The following TNFRSF11A variants were observed in gnomAD, a reference collection of about 807,000 sequenced individuals.
The protein encoded by TNFRSF11A is tumor necrosis factor receptor superfamily member 11A.
TNFRSF11A carries 32 observed loss-of-function variants against 55.7 expected under a neutral mutation model. That is an observed-to-expected ratio of 0.57 (90% CI 0.43 to 0.77). The LOEUF is 0.77. Ranked by LOEUF, TNFRSF11A falls within the 30% of genes least tolerant of loss-of-function variation. TNFRSF11A has a pLI of 0.00. For synonymous variants in TNFRSF11A, 311 were observed against 331.0 expected, an observed-to-expected ratio of 0.94 and a Z score of 0.65; for missense variants, 753 against 809.8, an observed-to-expected ratio of 0.93 and a Z score of 0.85.
chr18:62,348,955 C>T (rs574476425), intron 2 of TNFRSF11A, among the ~76,000 whole-genome samples: 64 of 152,276 alleles, frequency 4.2e-4, no homozygotes, highest in South Asian at 1.5e-3. Context: ...CGCAGCGTGA[C>T]ACTTGGTCAA....
rs906757023 is a variant in TNFRSF11A at position 62,339,150 on chromosome 18, C to T, written c.76-9018C>T. ...CATGGTGCTGCTAAAAAAAGACCCTCCCTTCCTTCTACAACTCACTGACTA... is the reference window on the plus strand; with the variant it reads ...CATGGTGCTGCTAAAAAAAGACCCTTCCTTCCTTCTACAACTCACTGACTA... On this transcript the variant is annotated intron_variant, in intron 1 of 9. Transcript: ENST00000586569. Among the ~76,000 whole-genome samples the T allele has an allele frequency of 9.9e-5, 15 of 152,284 alleles. No homozygotes were observed. The East Asian group carries it at 2.3e-3, about 24-fold the overall frequency.
intron 9 of TNFRSF11A, among the ~76,000 whole-genome samples, chr18:62,376,737 C>G (rs1910924947): frequency 1.3e-5 from 2 of 152,182 alleles, no homozygotes; most frequent in Admixed American, 1.3e-4. Context: ...TCTACTCACC[C>G]CTTCCTCTCT....
Position 62,348,258 on chromosome 18 carries a change from G to C in TNFRSF11A, c.157+9G>C. The stretch of plus-strand genomic sequence containing the variant: ...TAACAAATGTGAACCAGGTACACCT[G>C]CTTCTGAGCCACCTTGCATTGCCCC... On this transcript the variant is annotated intron_variant, in intron 2 of 9. Transcript: ENST00000586569. 6.2e-7 allele frequency: 1 copy of C among 1,613,168 alleles called. No individual in the cohort carries two copies. Among genetic ancestry groups the C allele is most frequent in the Non-Finnish European group, 8.5e-7 (1 of 1,179,236 alleles).
chr18:62,330,466 A>G (rs1422690070), intron 1 of TNFRSF11A, among the ~76,000 whole-genome samples: 1 of 152,202 alleles, frequency 6.6e-6, no homozygotes, highest in Non-Finnish European at 1.5e-5. Flanking sequence ...AAGGAAGGAC[A>G]GGATTCCTGG....
intron 7 of TNFRSF11A, among the ~76,000 whole-genome samples, chr18:62,364,442 A>G (rs1016416763): frequency 2.6e-5 from 4 of 152,174 alleles, no homozygotes; most frequent in Non-Finnish European, 5.9e-5. Context: ...AGTAGCAAAC[A>G]AATGTGTGGT....
chr18:62,329,963 G>A (rs55850220), intron 1 of TNFRSF11A, among the ~76,000 whole-genome samples: 23,213 of 152,246 alleles, frequency 0.15, 2,407 homozygotes, highest in Middle Eastern at 0.28. Context: ...GACTTTATAT[G>A]TGTGTTTGTT....
chr18:62,391,109 T>A lies in TNFRSF11A; in HGVS notation c.*6075T>A, dbSNP rs2957125. On this transcript the variant is annotated 3_prime_UTR_variant, in exon 10 of 10. Coordinates refer to ENST00000586569, the MANE Select transcript of TNFRSF11A (RefSeq NM_003839.4). ...AATTTGTCGTGTAGAGTTACACAGC[T>A]CATAGCCATTTGAGTCTGGCTTCTT... 83,716 of 152,102 alleles carry A rather than the reference T, an allele frequency of 0.55. 23,654 individuals are homozygous for A. Among genetic ancestry groups the A allele is most frequent in the Middle Eastern group, 0.72 (213 of 296 alleles). The allele number at this position is 152,102 out of a possible 1,614,324, so 9.4% of individuals were successfully genotyped here. A position where few individuals can be genotyped will look rare whatever the true frequency, so the allele number is the denominator to read the frequency against.
intron 3 of TNFRSF11A, among the ~76,000 whole-genome samples, chr18:62,350,626 A>G (rs559700682): frequency 6.6e-6 from 1 of 152,248 alleles, no homozygotes; most frequent in Non-Finnish European, 1.5e-5. Context: ...GGAGATTCAG[A>G]GAGGTTGAAT....
chr18:62,355,569 A>G (rs1369496544), intron 4 of TNFRSF11A, among the ~76,000 whole-genome samples: 1 of 152,234 alleles, frequency 6.6e-6, no homozygotes, highest in Admixed American at 6.5e-5. Flanking sequence ...GGCATGAGCC[A>G]CCACACCTAG....
At chr18:62,350,543 C>T (rs989988765) in intron 3 of TNFRSF11A, among the ~76,000 whole-genome samples, 10 of 152,116 alleles carry the variant, frequency 6.6e-5, no homozygotes, top group African/African-American at 2.4e-4. Context: ...CTGCCCGCCT[C>T]GGCCTTCCAA....
chr18:62,359,009 TG>T (rs1909475917), intron 5 of TNFRSF11A, among the ~76,000 whole-genome samples: 1 of 152,230 alleles, frequency 6.6e-6, no homozygotes, highest in Non-Finnish European at 1.5e-5. Context: ...GTGGAATTCA[TG>T]GGTCCTTTCA....
rs1911974755 is a variant in TNFRSF11A at position 62,391,103 on chromosome 18, CACAGCT to C, written c.*6070_*6075del. 1 of 152,246 alleles carries C rather than the reference CACAGCT, an allele frequency of 6.6e-6. No individual in the cohort carries two copies. Among genetic ancestry groups the C allele is most frequent in the Non-Finnish European group, 1.5e-5 (1 of 68,056 alleles). The allele number at this position is 152,246 out of a possible 1,614,324, so 9.4% of individuals were successfully genotyped here. A position where few individuals can be genotyped will look rare whatever the true frequency, so the allele number is the denominator to read the frequency against. On this transcript the variant is annotated 3_prime_UTR_variant, in exon 10 of 10. Transcript: ENST00000586569. ...TTTTCCAATTTGTCGTGTAGAGTTA[CACAGCT>C]CATAGCCATTTGAGTCTGGCTTCTT... is the stretch of plus-strand genomic sequence containing the variant.
chr18:62,371,219 G>A (rs1268604498), intron 9 of TNFRSF11A, among the ~76,000 whole-genome samples: 6 of 152,180 alleles, frequency 3.9e-5, no homozygotes, highest in Admixed American at 6.5e-5. Flanking sequence ...GAAAGCTGAC[G>A]TTCTGTCTCT....
chr18:62,325,316 C>G lies in TNFRSF11A; in HGVS notation c.-37C>G, dbSNP rs1224274759. The G allele has an allele frequency of 1.0e-6, 1 of 982,628 alleles. No homozygotes were observed. 60.9% of individuals were successfully genotyped at this position (982,628 alleles called of 1,614,324 possible). On this transcript the variant is annotated 5_prime_UTR_variant, in exon 1 of 10. Coordinates refer to ENST00000586569, the MANE Select transcript of TNFRSF11A (RefSeq NM_003839.4). The surrounding 1 kb of genome is among the most constrained non-coding windows in gnomAD (Gnocchi z 4.7). ...GCCGCGCCCGCTGGGCCACAGAGGC[C>G]GCTGAGGCCGCGGCGCCCGCCAGCC... is the stretch of plus-strand genomic sequence containing the variant.
Position 62,348,210 on chromosome 18 carries a change from T to C in TNFRSF11A, c.118T>C (p.Tyr40His). The change falls in exon 2 of 10, where the codon TAT (tyrosine) becomes CAT (histidine). Residue 40 changes from tyrosine to histidine, a missense_variant. Tyr to His is a moderately conservative substitution (Grantham distance 83). Around this residue, in one of 3 missense-constraint regions of TNFRSF11A, gnomAD observed 156 missense variants for 155.1 expected, o/e 1.01. Coordinates refer to ENST00000586569, the MANE Select transcript of TNFRSF11A (RefSeq NM_003839.4). Reference sequence around the variant, plus strand: ...TCCTCCATGTACCAGTGAGAAGCATTATGAGCATCTGGGACGGTGCTGTAA... The same window carrying C: ...TCCTCCATGTACCAGTGAGAAGCATCATGAGCATCTGGGACGGTGCTGTAA... ...IAPPCTSEKH[Y>H]EHLGRCCNKC... is the part of the protein sequence containing the mutation. 6.2e-7 allele frequency: 1 copy of C among 1,614,194 alleles called. No homozygotes were observed. Among genetic ancestry groups the C allele is most frequent in the Non-Finnish European group, 8.5e-7 (1 of 1,180,040 alleles).
In TNFRSF11A at chr18:62,388,485, C is replaced by G. The variant is rs1042724869; in HGVS notation, c.*3451C>G. Reference sequence around the variant, plus strand: ...AATGAGAGGGTAGGGGGTGGACACACAGAGGGGAAGATGGCCCCCTTGCCA... The same window carrying G: ...AATGAGAGGGTAGGGGGTGGACACAGAGAGGGGAAGATGGCCCCCTTGCCA... On this transcript the variant is annotated 3_prime_UTR_variant, in exon 10 of 10. Coordinates refer to ENST00000586569, the MANE Select transcript of TNFRSF11A (RefSeq NM_003839.4). The G allele has an allele frequency of 6.6e-6, 1 of 152,298 alleles. No individual in the cohort carries two copies. Among genetic ancestry groups the G allele is most frequent in the Non-Finnish European group, 1.5e-5 (1 of 68,096 alleles). 9.4% of individuals were successfully genotyped at this position (152,298 alleles called of 1,614,324 possible).
chr18:62,333,991 G>A lies in TNFRSF11A; in HGVS notation c.75+8564G>A, dbSNP rs544507114. ...GCAATTCTCCCTGCCTCAGCCTCCCGAGTAGCTGGGATTACAGGTGCTCGT... is the reference window on the plus strand; with the variant it reads ...GCAATTCTCCCTGCCTCAGCCTCCCAAGTAGCTGGGATTACAGGTGCTCGT... On this transcript the variant is annotated intron_variant, in intron 1 of 9. Coordinates refer to ENST00000586569, the MANE Select transcript of TNFRSF11A (RefSeq NM_003839.4). 3.3e-5 allele frequency among the ~76,000 whole-genome samples: 5 copies of A among 151,916 alleles called. No individual in the cohort carries two copies. In the South Asian group the frequency reaches 8.3e-4, roughly 25 times the overall value.
rs1343255321 is a variant in TNFRSF11A at position 62,390,759 on chromosome 18, A to G, written c.*5725A>G. The G allele has an allele frequency of 6.6e-6, 1 of 152,128 alleles. No homozygotes were observed. Among genetic ancestry groups the G allele is most frequent in the Admixed American group, 6.5e-5 (1 of 15,280 alleles). The allele number at this position is 152,128 out of a possible 1,614,324, so 9.4% of individuals were successfully genotyped here. On this transcript the variant is annotated 3_prime_UTR_variant, in exon 10 of 10. Transcript: ENST00000586569. The stretch of plus-strand genomic sequence containing the variant: ...TGGCTTTTATAGCCTCTCTCTTTCA[A>G]TGACAAAGAAACCATTAAAATGAAT...
intron 1 of TNFRSF11A, among the ~76,000 whole-genome samples, chr18:62,335,687 G>C (rs2046222480): frequency 1.3e-5 from 2 of 152,184 alleles, no homozygotes; most frequent in African/African-American, 4.8e-5. Context: ...CCCAGAAAGA[G>C]ATTGCTAATC....
Sources: gnomAD v4.1 joint callset for allele counts (sites outside exome capture counted in the v4.1 genomes callset) on GRCh38, gnomAD v4.1.1 for gene constraint, gnomAD v4.1.1 regional missense constraint, Gnocchi (gnomAD v3.1) non-coding constraint, MANE v1.5 for transcripts, NCBI Gene and HGNC (gene_info 2026-07-23, HGNC 2026-07-21) for gene names.